Variants in UNC5D observed in about 807,000 individuals in gnomAD.
UNC5D encodes netrin receptor UNC5D.
In UNC5D, 39 loss-of-function variants were observed where a neutral mutation model predicts 105.4. The observed-to-expected ratio is 0.37, with a 90% CI of 0.29 to 0.48. UNC5D has a LOEUF of 0.48. Ranked by LOEUF, UNC5D falls within the 20% of genes least tolerant of loss-of-function variation. The pLI, the probability that UNC5D is intolerant of heterozygous loss-of-function variation, is 0.98. For synonymous variants in UNC5D, 452 were observed against 450.4 expected, an observed-to-expected ratio of 1.00 and a Z score of -0.04; for missense variants, 991 against 1,202.4, an observed-to-expected ratio of 0.82 and a Z score of 2.60.
At chr8:35,785,068 T>A (rs549010049) in intron 16 of UNC5D, among the ~76,000 whole-genome samples, 15 of 151,990 alleles carry the variant, frequency 9.9e-5, no homozygotes, top group African/African-American at 3.6e-4. Flanking sequence ...AAAAAAAAAA[T>A]CAAACACACT....
At chr8:35,704,327 A>G (rs1827397060) in intron 7 of UNC5D, among the ~76,000 whole-genome samples, 1 of 152,234 alleles carries the variant, frequency 6.6e-6, no homozygotes. Context: ...AGCATTCCAT[A>G]GAAACCATGT....
intron 3 of UNC5D, among the ~76,000 whole-genome samples, chr8:35,587,128 C>G (rs912241080): frequency 1.3e-5 from 2 of 152,140 alleles, no homozygotes; most frequent in African/African-American, 4.8e-5. Context: ...TTTGTCACCT[C>G]TCCCTCCTCT....
chr8:35,426,950 A>T (rs1026255560), intron 1 of UNC5D, among the ~76,000 whole-genome samples: 3 of 152,046 alleles, frequency 2.0e-5, no homozygotes, highest in Non-Finnish European at 4.4e-5. Flanking sequence ...ACATTTATTG[A>T]CTCCCATTCT....
chr8:35,238,939 C>T (rs1802634814), intron 1 of UNC5D, among the ~76,000 whole-genome samples: 2 of 152,258 alleles, frequency 1.3e-5, no homozygotes, highest in South Asian at 4.1e-4. Flanking sequence ...TCTTCCTTCC[C>T]ACTTTACTTC....
chr8:35,305,613 C>CTTTCTTTCTTTCTTTCT, intron 1 of UNC5D, among the ~76,000 whole-genome samples: 3 of 94,182 alleles, frequency 3.2e-5, no homozygotes, highest in Non-Finnish European at 6.7e-5. Context: ...TTCTTTCTTT[C>CTTTCTTTCTTTCTTTCT]TTTCTTTCTT....
At chr8:35,496,926 G>A (rs761752841) in intron 1 of UNC5D, among the ~76,000 whole-genome samples, 1 of 152,058 alleles carries the variant, frequency 6.6e-6, no homozygotes, top group Non-Finnish European at 1.5e-5. Context: ...AGGCACACGT[G>A]TAGGGGAGAA....
chr8:35,371,693 C>G (rs1444128126), intron 1 of UNC5D, among the ~76,000 whole-genome samples: 1 of 151,920 alleles, frequency 6.6e-6, no homozygotes, highest in Non-Finnish European at 1.5e-5. Flanking sequence ...TCATAACTCT[C>G]ATAGTCTGTT....
At chr8:35,241,635 A>G (rs1304028494) in intron 1 of UNC5D, among the ~76,000 whole-genome samples, 4 of 149,612 alleles carry the variant, frequency 2.7e-5, no homozygotes, top group African/African-American at 4.9e-5. Context: ...GACCAGTCTC[A>G]CTTTTTTTTT....
chr8:35,549,422 G>C lies in UNC5D; in HGVS notation c.234G>C (p.Arg78Ser), dbSNP rs771898931. 1.9e-6 allele frequency: 3 copies of C among 1,613,164 alleles called. No homozygotes were observed. The highest frequency in any genetic ancestry group is 2.5e-6 in the Non-Finnish European group (3 of 1,180,016). Residue 78 changes from arginine to serine, a missense_variant, in exon 2 of 17, where the codon AGG becomes AGC. Physicochemically the swap from Arg to Ser is moderately radical, Grantham distance 110. This residue lies in a region of UNC5D where 944 missense variants were observed against 1,131.6 expected (regional missense o/e 0.83). Coordinates refer to ENST00000404895, the MANE Select transcript of UNC5D (RefSeq NM_080872.4). ...SNPIALRCKARPAMQIFFKCN... is the reference protein window; with the variant it reads ...SNPIALRCKASPAMQIFFKCN... ...CTATTGCACTCAGGTGCAAAGCGAG[G>C]CCAGCCATGCAGATATTCTTCAAAT...
At chr8:35,764,439 T>C (rs1479507405) in intron 14 of UNC5D, among the ~76,000 whole-genome samples, 1 of 152,118 alleles carries the variant, frequency 6.6e-6, no homozygotes, top group Non-Finnish European at 1.5e-5. Flanking sequence ...GGGCTGCCCA[T>C]GGTTTACAAA....
intron 3 of UNC5D, among the ~76,000 whole-genome samples, chr8:35,587,967 T>TA (rs1212647438): frequency 2.1e-5 from 2 of 95,498 alleles, no homozygotes; most frequent in African/African-American, 4.8e-5. Context: ...ACTATAATAA[T>TA]ATATATATAT....
chr8:35,712,388 G>T (rs1425639074), intron 8 of UNC5D, among the ~76,000 whole-genome samples: 1 of 152,140 alleles, frequency 6.6e-6, no homozygotes, highest in Admixed American at 6.5e-5. Context: ...AACAAGAAAT[G>T]CATCTTCCCT....
rs530744697 is a variant in UNC5D at position 35,628,511 on chromosome 8, T to C, written c.570+32854T>C. 1.3e-3 allele frequency among the ~76,000 whole-genome samples: 194 copies of C among 152,308 alleles called. 3 individuals are homozygous for C. The highest frequency in any genetic ancestry group is 4.6e-3 in the South Asian group (22 of 4,826). ...TTTAAAGATGTTCATGTACAAAGTG[T>C]GCATAGATTTTTCAGAACCAGAGAA... is the stretch of plus-strand genomic sequence containing the variant. On this transcript the variant is annotated intron_variant, in intron 4 of 16. Coordinates refer to ENST00000404895, the MANE Select transcript of UNC5D (RefSeq NM_080872.4).
At chr8:35,789,137 C>CTA (rs58201859) in intron 16 of UNC5D, among the ~76,000 whole-genome samples, 426 of 32,094 alleles carry the variant, frequency 0.013, 18 homozygotes, top group Non-Finnish European at 0.021. Flanking sequence ...GGAGAAAAGA[C>CTA]TATATATATA....
At chr8:35,268,455 G>A (rs1351378358) in intron 1 of UNC5D, among the ~76,000 whole-genome samples, 1 of 152,012 alleles carries the variant, frequency 6.6e-6, no homozygotes, top group Non-Finnish European at 1.5e-5. Context: ...TAAAAACAGA[G>A]CCTTGAACTC....
chr8:35,237,770 G>A (rs953205026), intron 1 of UNC5D, among the ~76,000 whole-genome samples: 16 of 152,112 alleles, frequency 1.1e-4, no homozygotes, highest in African/African-American at 2.9e-4. Context: ...TTTACATTCT[G>A]GGGCATGAGG....
chr8:35,712,280 G>T (rs1398761184), intron 8 of UNC5D, among the ~76,000 whole-genome samples: 3 of 152,098 alleles, frequency 2.0e-5, no homozygotes, highest in Non-Finnish European at 4.4e-5. Flanking sequence ...CAAAAAGAAA[G>T]AAAATCAAGA....
chr8:35,567,032 C>A (rs962739361), intron 2 of UNC5D, among the ~76,000 whole-genome samples: 27 of 150,864 alleles, frequency 1.8e-4, no homozygotes, highest in African/African-American at 5.1e-4. Flanking sequence ...CAGTTAGAAG[C>A]ACCAGACAAT....
intron 1 of UNC5D, among the ~76,000 whole-genome samples, chr8:35,272,306 G>T (rs569572623): frequency 1.7e-3 from 254 of 152,096 alleles, no homozygotes; most frequent in Non-Finnish European, 2.4e-3. Flanking sequence ...ACCGTCCTTG[G>T]TTGGGTTCCC....
Sources: allele counts gnomAD v4.1 joint callset (sites outside exome capture counted in the v4.1 genomes callset), GRCh38; gene constraint gnomAD v4.1.1; regional missense constraint gnomAD v4.1.1; transcripts MANE v1.5; gene names NCBI Gene and HGNC (gene_info 2026-07-23, HGNC 2026-07-21).